The following SYP variants were observed in gnomAD, a reference collection of about 807,000 sequenced individuals.
SYP encodes major synaptic vesicle protein P38.
SYP carries 2 observed loss-of-function variants against 24.3 expected under a neutral mutation model. That is an observed-to-expected ratio of 0.08 (90% CI 0.03 to 0.26). The LOEUF is 0.26. Among genes scored for constraint, SYP ranks in the 10% least tolerant of loss-of-function variants. The pLI, the probability that SYP is intolerant of heterozygous loss-of-function variation, is 1.00. For synonymous variants in SYP, 143 were observed against 123.2 expected (o/e 1.16, Z -1.07); for missense variants, 216 against 266.3 (o/e 0.81, Z 1.32).
chrX:49,194,423 A>C (rs1208134367), intron 3 of SYP, 62 bp from the exon 4 acceptor site: 1 of 1,094,283 alleles, frequency 9.1e-7, no homozygotes, highest in African/African-American at 1.8e-5. Flanking sequence ...CCTCCAGCCC[A>C]ATCATGGGTC....
Position 49,197,795 on chromosome X carries a change from C to T in SYP, c.147G>A (p.Gly49=). 1 of 1,209,096 alleles carries T rather than the reference C, an allele frequency of 8.3e-7. No individual in the cohort carries two copies. Among genetic ancestry groups the T allele is most frequent in the Non-Finnish European group, 1.1e-6 (1 of 894,107 alleles). The change falls in exon 3 of 7, where the codon GGG becomes GGA. Residue 49 remains glycine, a synonymous_variant. Coordinates refer to ENST00000263233, the MANE Select transcript of SYP (RefSeq NM_003179.3). ...FAFATCGSYS[G]ELQLSVDCAN... ...CACAATCCACGCTCAGCTGGAGCTC[C>T]CCACTGTAGCTGCCGCATGTGGCAA... is the stretch of plus-strand genomic sequence containing the variant.
At position 49,200,130 on chromosome X, in the gene SYP, C is replaced by T. The variant is rs1191326214; in HGVS notation, c.36+21G>A. On this transcript the variant is annotated intron_variant, in intron 1 of 6. Coordinates refer to ENST00000263233, the MANE Select transcript of SYP (RefSeq NM_003179.3). ...GCAGCCGGGCGGCGGCGGGCTCTGT[C>T]CACGGTGCTGGAGCGCGTACCTGAT... 5 of 1,164,634 alleles carry T rather than the reference C, an allele frequency of 4.3e-6. No individual in the cohort carries two copies. The African/African-American group carries it at 7.2e-5, about 17-fold the overall frequency.
chrX:49,194,323 C>T lies in SYP; in HGVS notation c.266G>A (p.Gly89Glu), dbSNP rs1557103159. 4.1e-6 allele frequency: 5 copies of T among 1,211,302 alleles called. No individual in the cohort carries two copies. Among genetic ancestry groups the T allele is most frequent in the South Asian group, 3.5e-5 (2 of 56,940 alleles). ...AACTAAGAAGACCTTGGTGGTGCCC[C>T]CTCGGCAGGTGGGTGCATCAAAGTA... The part of the protein sequence containing the change: ...QVYFDAPTCR[G>E]GTTKVFLVGD... The change falls in exon 4 of 7, where the codon GGG (glycine) becomes GAG (glutamate). Residue 89 changes from glycine to glutamate, a missense_variant. Physicochemically the swap from Gly to Glu is moderately conservative, Grantham distance 98 (BLOSUM62 -2). Transcript: ENST00000263233.
At chrX:49,200,097 C>G in intron 1 of SYP, 54 bp downstream of exon 1, 1 of 1,159,879 alleles carries the variant, frequency 8.6e-7, no homozygotes. Context: ...CTGAGCGACC[C>G]GGCCTAGGCA....
Position 49,197,735 on chromosome X carries a change from G to A in SYP, c.207C>T (p.Val69=), listed in dbSNP as rs782391403. The change falls in exon 3 of 7, where the codon GTC becomes GTT. Residue 69 remains valine (V), a synonymous_variant. Coordinates refer to ENST00000263233, the MANE Select transcript of SYP (RefSeq NM_003179.3). The stretch of plus-strand genomic sequence containing the variant: ...CACACCTGAAGGGGTACTCGAACTC[G>A]ACCTCGATGCTGAGGTCACTCTCGG... ...NKTESDLSIE[V]EFEYPFRLHQ... is the part of the protein sequence containing the mutation. The A allele has an allele frequency of 7.5e-6, 9 of 1,207,832 alleles. No individual in the cohort carries two copies. Among genetic ancestry groups the A allele is most frequent in the Non-Finnish European group, 1.0e-5 (9 of 893,403 alleles).
intron 4 of SYP, among the ~76,000 whole-genome samples, chrX:49,193,707 ACT>A (rs1433940228): frequency 2.7e-5 from 3 of 111,998 alleles, no homozygotes; most frequent in African/African-American, 9.7e-5. Flanking sequence ...GGGGAGGGGA[ACT>A]CTGGGATGAT....
At chrX:49,191,232 T>G (rs984289099) in intron 6 of SYP, 5 of 474,120 alleles carry the variant, frequency 1.1e-5, no homozygotes, top group East Asian at 3.8e-5. Context: ...TGAAGCACCA[T>G]TCTTCTTTTC....
intron 3 of SYP, 88 bp downstream of exon 3, chrX:49,197,627 A>C: frequency 8.8e-7 from 1 of 1,140,583 alleles, no homozygotes; most frequent in Non-Finnish European, 1.2e-6. Context: ...GGAGCTGGGC[A>C]GGAGCTACTT....
intron 4 of SYP, 98 bp from the exon 5 acceptor site, chrX:49,193,561 T>C: frequency 1.0e-6 from 1 of 966,313 alleles, no homozygotes; most frequent in Non-Finnish European, 1.4e-6. Context: ...AGAAGAGGCC[T>C]GTCTCTCCCC....
At chrX:49,198,940 C>G (rs1557103640) in intron 2 of SYP, 28 bp downstream of exon 2, 6 of 1,209,661 alleles carry the variant, frequency 5.0e-6, no homozygotes, top group Non-Finnish European at 6.7e-6. Context: ...TCCCTGCACT[C>G]TGCCCCAACA....
At chrX:49,200,046 C>T (rs1283416847) in intron 1 of SYP, 105 bp downstream of exon 1, 4 of 1,031,419 alleles carry the variant, frequency 3.9e-6, no homozygotes, top group South Asian at 4.1e-5. Flanking sequence ...ACCGGGTCTC[C>T]GCTGCCAGAC....
At chrX:49,198,730 T>G in intron 2 of SYP, 1 of 389,674 alleles carries the variant, frequency 2.6e-6, no homozygotes, top group Non-Finnish European at 4.5e-6. Context: ...AGAGAGGAGG[T>G]AGGACGTCAC....
At chrX:49,199,346 A>G in intron 1 of SYP, 1 of 240,726 alleles carries the variant, frequency 4.2e-6, no homozygotes, top group Non-Finnish European at 7.3e-6. Flanking sequence ...GTTCGGGTAG[A>G]GAATGGGGAT....
intron 2 of SYP, 104 bp downstream of exon 2, chrX:49,198,864 G>C: frequency 6.2e-6 from 5 of 802,086 alleles, no homozygotes; most frequent in Non-Finnish European, 9.1e-6. Context: ...TACAACCCCC[G>C]CACTCATCCC....
rs782476896 is a variant in SYP at position 49,191,686 on chromosome X, C to T, written c.693G>A (p.Pro231=). Residue 231 remains proline, a synonymous_variant, in exon 6 of 7, where the codon CCG becomes CCA. Coordinates refer to ENST00000263233, the MANE Select transcript of SYP (RefSeq NM_003179.3). ...GGGCGCCGGGAGGCGCGCGCAGGAA[C>T]GGGGCGGCCCAGCCTGTCTCCTTAA... ...FVFKETGWAA[P]FLRAPPGAPE... is the part of the protein sequence containing the mutation. The T allele has an allele frequency of 8.3e-7, 1 of 1,206,148 alleles. No individual in the cohort carries two copies. Among genetic ancestry groups the T allele is most frequent in the African/African-American group, 1.7e-5 (1 of 57,873 alleles).
intron 3 of SYP, 112 bp from the exon 4 acceptor site, chrX:49,194,473 A>G: frequency 1.4e-6 from 1 of 737,613 alleles, no homozygotes; most frequent in Non-Finnish European, 2.0e-6. Context: ...GGAGGAAATA[A>G]CCATTCATCG....
chrX:49,196,884 A>G (rs782374236), intron 3 of SYP: 1 of 111,997 alleles, frequency 8.9e-6, no homozygotes, highest in African/African-American at 3.2e-5. Flanking sequence ...TCATTATTCT[A>G]TTCTCTACCA....
intron 5 of SYP, among the ~76,000 whole-genome samples, chrX:49,192,365 G>T (rs1373339559): frequency 9.0e-6 from 1 of 111,691 alleles, no homozygotes; most frequent in Non-Finnish European, 1.9e-5. Context: ...AGCTAATTTT[G>T]TATTTTTAGT....
At chrX:49,190,341 G>T (rs2065501925) in intron 6 of SYP, among the ~76,000 whole-genome samples, 1 of 109,526 alleles carries the variant, frequency 9.1e-6, no homozygotes, top group South Asian at 3.9e-4. Context: ...CACCATGCCC[G>T]GCTAATTTTT....
Sources: gnomAD v4.1 joint callset for allele counts (sites outside exome capture counted in the v4.1 genomes callset) on GRCh38, gnomAD v4.1.1 for gene constraint, MANE v1.5 for transcripts, NCBI Gene and HGNC (gene_info 2026-07-23, HGNC 2026-07-21) for gene names.